The following DDAH1 variants were observed in gnomAD, a reference collection of about 807,000 sequenced individuals.
The protein encoded by DDAH1 is N(G),N(G)-dimethylarginine dimethylaminohydrolase 1.
A neutral mutation model predicts 28.8 loss-of-function variants in DDAH1; 19 were observed. The observed-to-expected ratio is 0.66, with a 90% CI of 0.46 to 0.97. The LOEUF is 0.97. Among genes scored for constraint, DDAH1 ranks in the 50% least tolerant of loss-of-function variants. The pLI is 0.00. For synonymous variants in DDAH1, 153 were observed against 154.4 expected, an observed-to-expected ratio of 0.99 and a Z score of 0.07; for missense variants, 326 against 375.9, an observed-to-expected ratio of 0.87 and a Z score of 1.10.
At chr1:85,571,787 C>CTTTTGTT (rs1659461101) in intron 1 of DDAH1, among the ~76,000 whole-genome samples, 1 of 85,382 alleles carries the variant, frequency 1.2e-5, no homozygotes, top group African/African-American at 4.8e-5. Context: ...TGTTTATAAG[C>CTTTTGTT]TTTTTTTTTT....
At chr1:85,501,251 A>G (rs931504075) in intron 1 of DDAH1, among the ~76,000 whole-genome samples, 5 of 152,184 alleles carry the variant, frequency 3.3e-5, no homozygotes, top group Non-Finnish European at 7.3e-5. Flanking sequence ...CTTTATTTGG[A>G]TGAACTTAGT....
intron 1 of DDAH1, among the ~76,000 whole-genome samples, chr1:85,574,938 C>T (rs972670807): frequency 4.6e-5 from 7 of 151,836 alleles, no homozygotes; most frequent in Non-Finnish European, 1.0e-4. Context: ...GGGGAGAAAA[C>T]GGGTTAAAAA....
At chr1:85,554,285 T>TTTTG (rs1553148483) in intron 1 of DDAH1, among the ~76,000 whole-genome samples, 1 of 149,988 alleles carries the variant, frequency 6.7e-6, no homozygotes, top group Non-Finnish European at 1.5e-5. Context: ...AGTTTTTTTT[T>TTTTG]TTTTTTTTTT....
At chr1:85,569,774 G>A (rs1429662046) in intron 1 of DDAH1, among the ~76,000 whole-genome samples, 1 of 152,232 alleles carries the variant, frequency 6.6e-6, no homozygotes, top group African/African-American at 2.4e-5. Flanking sequence ...AGGAAGCCCA[G>A]AGGAAAGAAA....
chr1:85,457,532 T>C (rs542023401), intron 1 of DDAH1, among the ~76,000 whole-genome samples: 9 of 152,318 alleles, frequency 5.9e-5, no homozygotes, highest in East Asian at 3.9e-4. Flanking sequence ...CTGGACATAA[T>C]AGACAGTTAT....
At chr1:85,382,447 A>G (rs1287366984) in intron 1 of DDAH1, among the ~76,000 whole-genome samples, 1 of 152,188 alleles carries the variant, frequency 6.6e-6, no homozygotes, top group Non-Finnish European at 1.5e-5. Flanking sequence ...CTTATGAGGA[A>G]AGAAGCCATC....
chr1:85,504,979 T>TCCGAGATGGAG (rs1656962034), intron 1 of DDAH1, among the ~76,000 whole-genome samples: 1 of 51,968 alleles, frequency 1.9e-5, no homozygotes, highest in African/African-American at 6.3e-5. Flanking sequence ...TTTTTTTTTT[T>TCCGAGATGGAG]TTTTTTTTTT....
chr1:85,514,960 C>T (rs1570629507), intron 1 of DDAH1, among the ~76,000 whole-genome samples: 2 of 151,782 alleles, frequency 1.3e-5, no homozygotes, highest in Non-Finnish European at 1.5e-5. Context: ...CTAGGTATTG[C>T]TCATTGCTAG....
intron 1 of DDAH1, among the ~76,000 whole-genome samples, chr1:85,441,771 T>A (rs910576380): frequency 4.6e-5 from 7 of 152,208 alleles, no homozygotes; most frequent in African/African-American, 1.7e-4. Flanking sequence ...CACAACAGTA[T>A]ACCTTTCAAC....
chr1:85,475,820 G>T (rs1020282205), intron 2 of DDAH1, among the ~76,000 whole-genome samples: 1 of 152,086 alleles, frequency 6.6e-6, no homozygotes, highest in East Asian at 1.9e-4. Flanking sequence ...TACCTCTGAG[G>T]TGGTTGGGTT....
intron 4 of DDAH1, among the ~76,000 whole-genome samples, chr1:85,349,719 C>G (rs1223726696): frequency 6.6e-6 from 1 of 152,186 alleles, no homozygotes; most frequent in Non-Finnish European, 1.5e-5. Context: ...AAAACAGACA[C>G]AGTCTTTATC....
chr1:85,452,018 G>A (rs1654687943), intron 1 of DDAH1, among the ~76,000 whole-genome samples: 1 of 152,148 alleles, frequency 6.6e-6, no homozygotes, highest in African/African-American at 2.4e-5. Context: ...ATTTGAAAAT[G>A]CCTGTTTACT....
At chr1:85,346,841 G>A (rs1386720081) in intron 4 of DDAH1, among the ~76,000 whole-genome samples, 3 of 152,018 alleles carry the variant, frequency 2.0e-5, no homozygotes, top group African/African-American at 7.3e-5. Context: ...CTACAGAATG[G>A]GAGAAAATTT....
chr1:85,462,311 A>T (rs566711070), intron 1 of DDAH1, among the ~76,000 whole-genome samples: 6 of 152,266 alleles, frequency 3.9e-5, no homozygotes, highest in Non-Finnish European at 7.4e-5. Flanking sequence ...AGGCAAGCAC[A>T]GCCCAGCTCA....
At chr1:85,547,126 G>A (rs1215697987) in intron 1 of DDAH1, among the ~76,000 whole-genome samples, 1 of 152,110 alleles carries the variant, frequency 6.6e-6, no homozygotes, top group Non-Finnish European at 1.5e-5. Flanking sequence ...CCGGAGTGGA[G>A]AACACCCTGG....
intron 1 of DDAH1, among the ~76,000 whole-genome samples, chr1:85,430,658 G>A (rs1367628491): frequency 2.0e-5 from 3 of 152,060 alleles, no homozygotes; most frequent in African/African-American, 7.2e-5. Context: ...TCTCTTTGTA[G>A]CAATTGTGAA....
intron 1 of DDAH1, among the ~76,000 whole-genome samples, chr1:85,563,335 C>A (rs1276785600): frequency 6.6e-6 from 1 of 152,152 alleles, no homozygotes; most frequent in African/African-American, 2.4e-5. Flanking sequence ...CTAAAAGGAG[C>A]AGAAGAAACA....
chr1:85,418,341 T>C (rs7539738), intron 1 of DDAH1, among the ~76,000 whole-genome samples: 121,179 of 152,186 alleles, frequency 0.8, 48,398 homozygotes, highest in Middle Eastern at 0.88. Context: ...CCCACTAAAA[T>C]GAGACCAATA....
chr1:85,549,308 A>G (rs1658717708), intron 1 of DDAH1, among the ~76,000 whole-genome samples: 1 of 152,218 alleles, frequency 6.6e-6, no homozygotes, highest in African/African-American at 2.4e-5. Flanking sequence ...AAAGGTTCTC[A>G]AATTTTACCA....
Sources: gnomAD v4.1 joint callset for allele counts (sites outside exome capture counted in the v4.1 genomes callset) on GRCh38, gnomAD v4.1.1 for gene constraint, MANE v1.5 for transcripts, NCBI Gene and HGNC (gene_info 2026-07-23, HGNC 2026-07-21) for gene names.